Variants in ATP7B observed in about 807,000 individuals in gnomAD.
The protein encoded by ATP7B is ATPase copper transporting beta.
ATP7B carries 113 observed loss-of-function variants against 118.9 expected under a neutral mutation model. That is an observed-to-expected ratio of 0.95 (90% CI 0.82 to 1.11). The LOEUF (loss-of-function observed/expected upper bound fraction) is 1.11. Among genes scored for constraint, ATP7B ranks in the 50% most tolerant of loss-of-function variants. The pLI is 0.00. For synonymous variants in ATP7B, 777 were observed against 727.4 expected (o/e 1.07, Z -1.10); for missense variants, 1,867 against 1,871.4 (o/e 1.00, Z 0.04).
At chr13:52,010,365 T>G (rs1379240353) in intron 1 of ATP7B, among the ~76,000 whole-genome samples, 2 of 152,162 alleles carry the variant, frequency 1.3e-5, no homozygotes, top group Non-Finnish European at 2.9e-5. Context: ...TGTCCAGCAA[T>G]CCAGGCCTAA....
intron 6 of ATP7B, among the ~76,000 whole-genome samples, 159 bp downstream of exon 6, chr13:51,961,678 T>C (rs1361886236): frequency 6.6e-6 from 1 of 152,198 alleles, no homozygotes; most frequent in Non-Finnish European, 1.5e-5. Context: ...AGAACTTCTT[T>C]TGGACAGCAC....
chr13:51,984,879 C>A lies in ATP7B; in HGVS notation c.52-9711G>T, dbSNP rs185213146. ...ACAAGCAAATGCTGAGAGATTTTGT[C>A]ACCACTAGGCCTGCCTTACAAGAGT... On this transcript the variant is annotated intron_variant, in intron 1 of 20. Coordinates refer to ENST00000242839, the MANE Select transcript of ATP7B (RefSeq NM_000053.4). Among the ~76,000 whole-genome samples the A allele has an allele frequency of 1.1e-4, 16 of 152,312 alleles. No individual in the cohort carries two copies. The East Asian group carries it at 2.7e-3, about 26-fold the overall frequency.
At chr13:51,983,943 T>C (rs546903286) in intron 1 of ATP7B, among the ~76,000 whole-genome samples, 72 of 152,104 alleles carry the variant, frequency 4.7e-4, no homozygotes, top group East Asian at 5.8e-4. Flanking sequence ...GATAAATCCA[T>C]GAAGATGGGG....
rs1958515777 is a variant in ATP7B at position 51,958,607 on chromosome 13, G to A, written c.2122-63C>T. ...GGAGGAGAGTTCAATGAGCGACACA[G>A]GGCCAAGGGCCCTGGGGATGGCAAA... On this transcript the variant is annotated intron_variant, in intron 7 of 20. Coordinates refer to ENST00000242839, the MANE Select transcript of ATP7B (RefSeq NM_000053.4). The A allele has an allele frequency of 5.6e-6, 8 of 1,436,222 alleles. No homozygotes were observed. The Admixed American group carries it at 1.4e-4, about 25-fold the overall frequency. The allele number at this position is 1,436,222 out of a possible 1,614,324, so 89.0% of individuals were successfully genotyped here. A position where few individuals can be genotyped will look rare whatever the true frequency, so the allele number is the denominator to read the frequency against.
chr13:51,975,170 T>C lies in ATP7B; in HGVS notation c.52-2A>G. 2 of 1,614,064 alleles carry C rather than the reference T, an allele frequency of 1.2e-6. No homozygotes were observed. Among genetic ancestry groups the C allele is most frequent in the Middle Eastern group, 3.3e-4 (2 of 6,062 alleles). On this transcript the variant is annotated splice_acceptor_variant, in intron 1 of 20. Coordinates refer to ENST00000242839, the MANE Select transcript of ATP7B (RefSeq NM_000053.4). LOFTEE classifies it high-confidence loss of function. Reference sequence around the variant, plus strand: ...AGGCAAAGAAAGCTTAGATAAGATCTAAAAAGAAAAGAAATAACATTTTTT... The same window carrying C: ...AGGCAAAGAAAGCTTAGATAAGATCCAAAAAGAAAAGAAATAACATTTTTT...
At position 51,970,547 on chromosome 13, in the gene ATP7B, G is replaced by C; in HGVS notation, c.1488C>G (p.Gly496=). ...APQKCFLQIK[G]MTCASCVSNI... is the part of the protein sequence containing the mutation. ...TAGACACACAGGATGCACAGGTCAT[G>C]CCTTTGATCTGTAAGAAGCACTTCT... The change falls in exon 3 of 21, where the codon GGC becomes GGG. Residue 496 remains glycine, a synonymous_variant. Transcript: ENST00000242839. The C allele has an allele frequency of 6.2e-7, 1 of 1,614,168 alleles. No individual in the cohort carries two copies.
chr13:51,959,494 G>A (rs1958589136), intron 7 of ATP7B: 2 of 147,024 alleles, frequency 1.4e-5, no homozygotes, highest in African/African-American at 2.6e-5. Context: ...GGGTGACAGG[G>A]TGAGACCCTG....
chr13:51,983,267 T>C (rs573623680), intron 1 of ATP7B, among the ~76,000 whole-genome samples: 1 of 152,240 alleles, frequency 6.6e-6, no homozygotes, highest in South Asian at 2.1e-4. Context: ...GAGCAGGTGG[T>C]TTTCCCCTCA....
chr13:51,955,375 G>A, intron 9 of ATP7B, among the ~76,000 whole-genome samples: 1 of 152,188 alleles, frequency 6.6e-6, no homozygotes, highest in South Asian at 2.1e-4. Flanking sequence ...GCTGTCAGGA[G>A]GCAAGTAGGA....
intron 1 of ATP7B, among the ~76,000 whole-genome samples, chr13:51,978,409 T>TA (rs1283864560): frequency 1.2e-4 from 18 of 152,248 alleles, no homozygotes; most frequent in Non-Finnish European, 2.4e-4. Flanking sequence ...ACAGTCTTCC[T>TA]ACATTGCTAG....
At chr13:51,947,170 A>G (rs976150752) in intron 12 of ATP7B, among the ~76,000 whole-genome samples, 11 of 152,258 alleles carry the variant, frequency 7.2e-5, no homozygotes, top group Non-Finnish European at 1.5e-4. Context: ...TACCAGCAGC[A>G]CTGCAAAATT....
At chr13:51,958,183 A>C in intron 8 of ATP7B, 128 bp downstream of exon 8, 1 of 1,089,808 alleles carries the variant, frequency 9.2e-7, no homozygotes, top group Non-Finnish European at 1.4e-6. Flanking sequence ...AATTATATGG[A>C]GGTTTCCTAT....
At chr13:51,972,669 T>C (rs1348968236) in intron 2 of ATP7B, among the ~76,000 whole-genome samples, 1 of 152,172 alleles carries the variant, frequency 6.6e-6, no homozygotes, top group Non-Finnish European at 1.5e-5. Context: ...ACCAGTCTTC[T>C]AAAATATAAT....
At chr13:51,960,097 G>A (rs1170291229) in intron 7 of ATP7B, 51 bp downstream of exon 7, 1 of 1,583,196 alleles carries the variant, frequency 6.3e-7, no homozygotes, top group Non-Finnish European at 8.7e-7. Flanking sequence ...GAATATCTGA[G>A]GGCCACACAC....
chr13:52,002,881 T>A (rs553074746), intron 1 of ATP7B, among the ~76,000 whole-genome samples: 41 of 152,334 alleles, frequency 2.7e-4, no homozygotes, highest in Non-Finnish European at 4.9e-4. Flanking sequence ...TTTTAAAATA[T>A]GTTATGGCAA....
At chr13:51,942,599 G>A in intron 14 of ATP7B, 45 bp from the exon 15 acceptor site, 1 of 1,611,250 alleles carries the variant, frequency 6.2e-7, no homozygotes, top group Non-Finnish European at 8.5e-7. Flanking sequence ...AAGCCAAGAG[G>A]GGTGAAGTGA....
At chr13:52,005,735 A>C (rs1374188124) in intron 1 of ATP7B, among the ~76,000 whole-genome samples, 3 of 152,122 alleles carry the variant, frequency 2.0e-5, no homozygotes, top group African/African-American at 7.2e-5. Flanking sequence ...CCCAGTTCCA[A>C]AGCCAACTCT....
intron 9 of ATP7B, among the ~76,000 whole-genome samples, chr13:51,952,054 A>C (rs1958041765): frequency 6.6e-6 from 1 of 152,242 alleles, no homozygotes; most frequent in African/African-American, 2.4e-5. Flanking sequence ...TCACGTTTTT[A>C]AAGAAGGCTT....
In ATP7B at chr13:51,934,211, C is replaced by G. The variant is rs1593632522; in HGVS notation, c.*545G>C. On this transcript the variant is annotated 3_prime_UTR_variant, in exon 21 of 21. Coordinates refer to ENST00000242839, the MANE Select transcript of ATP7B (RefSeq NM_000053.4). The stretch of plus-strand genomic sequence containing the variant: ...CAGGGTTGCGAGGGGTCCCCACTGA[C>G]AAGCACACAGGAGAGAAAAGGAACA... The G allele has an allele frequency of 5.1e-6, 1 of 197,002 alleles. No individual in the cohort carries two copies. The highest frequency in any genetic ancestry group is 1.2e-4 in the East Asian group (1 of 8,394). The allele number at this position is 197,002 out of a possible 1,614,324, so 12.2% of individuals were successfully genotyped here. A position where few individuals can be genotyped will look rare whatever the true frequency, so the allele number is the denominator to read the frequency against.
Sources: gnomAD v4.1 joint callset for allele counts (sites outside exome capture counted in the v4.1 genomes callset) on GRCh38, gnomAD v4.1.1 for gene constraint, MANE v1.5 for transcripts, NCBI Gene and HGNC (gene_info 2026-07-23, HGNC 2026-07-21) for gene names.